Variants in TEAD1 observed in about 807,000 individuals in gnomAD.
The protein encoded by TEAD1 is TEA domain transcription factor 1, also known as transcriptional enhancer factor TEF-1.
Under a neutral mutation model 54.9 loss-of-function variants are expected in TEAD1, and 9 were observed. The ratio of observed to expected loss-of-function variants is 0.16; its 90% CI spans 0.10 to 0.29. TEAD1 has a LOEUF of 0.29. TEAD1 is among the 10% of genes least tolerant of loss of function. The pLI, the probability that TEAD1 is intolerant of heterozygous loss-of-function variation, is 1.00. For missense variants in TEAD1, 387 were observed against 535.9 expected (o/e 0.72, Z 2.74); for synonymous variants, 200 against 187.8 (o/e 1.07, Z -0.53).
chr11:12,915,403 C>T (rs1948692806), intron 10 of TEAD1, among the ~76,000 whole-genome samples: 1 of 152,196 alleles, frequency 6.6e-6, no homozygotes, highest in Admixed American at 6.5e-5. Flanking sequence ...TGTCCCCTGG[C>T]CTAGCACCCG....
At chr11:12,706,217 G>A (rs1328894273) in intron 2 of TEAD1, among the ~76,000 whole-genome samples, 1 of 152,210 alleles carries the variant, frequency 6.6e-6, no homozygotes, top group Non-Finnish European at 1.5e-5. Context: ...CATTTTAACA[G>A]TGTTTTTGAA....
At chr11:12,787,722 TAA>T (rs1945707944) in intron 3 of TEAD1, among the ~76,000 whole-genome samples, 1 of 152,222 alleles carries the variant, frequency 6.6e-6, no homozygotes, top group Non-Finnish European at 1.5e-5. Flanking sequence ...ATTTATAGTT[TAA>T]GATTATAAAA....
intron 3 of TEAD1, among the ~76,000 whole-genome samples, chr11:12,796,570 C>G (rs898525664): frequency 7.9e-5 from 12 of 151,432 alleles, no homozygotes; most frequent in Non-Finnish European, 1.3e-4. Flanking sequence ...ACAAAAAATA[C>G]AAAAATTAGC....
chr11:12,905,067 T>C (rs1948495117), intron 10 of TEAD1: 1 of 153,686 alleles, frequency 6.5e-6, no homozygotes. Context: ...TTCGGAATTA[T>C]AGAATGTTAT....
In TEAD1 at chr11:12,929,163, CGTGTGT is replaced by C. The variant is rs60060462; in HGVS notation, c.1015-978_1015-973del. On this transcript the variant is annotated intron_variant, in intron 11 of 12. Coordinates refer to ENST00000527636, the MANE Select transcript of TEAD1 (RefSeq NM_021961.6). ...ATCTGCTGTGTTTTCTTTGCTTTGC[CGTGTGT>C]GTGTGTGTGTGTGTGTGTGTGTGTG... 7.8e-4 allele frequency among the ~76,000 whole-genome samples: 83 copies of C among 106,814 alleles called. No homozygotes were observed. The Middle Eastern group carries it at 0.023, about 30-fold the overall frequency. 70.1% of individuals were successfully genotyped at this position (106,814 alleles called of 152,430 possible).
chr11:12,831,235 T>C (rs1946773691), intron 3 of TEAD1, among the ~76,000 whole-genome samples: 1 of 152,188 alleles, frequency 6.6e-6, no homozygotes, highest in Admixed American at 6.5e-5. Context: ...CTTACCCTTC[T>C]TCAGAGCCCA....
intron 10 of TEAD1, among the ~76,000 whole-genome samples, chr11:12,907,088 A>G (rs1341123735): frequency 6.6e-6 from 1 of 152,060 alleles, no homozygotes. Context: ...CTTCTTTTTT[A>G]TGTGGTTGTA....
intron 3 of TEAD1, among the ~76,000 whole-genome samples, chr11:12,823,978 C>T (rs913496910): frequency 2.6e-5 from 4 of 152,042 alleles, no homozygotes; most frequent in African/African-American, 9.7e-5. Context: ...TTGGGGGAGA[C>T]TAAGTGATTG....
At chr11:12,805,401 A>G (rs1180661476) in intron 3 of TEAD1, among the ~76,000 whole-genome samples, 2 of 152,240 alleles carry the variant, frequency 1.3e-5, no homozygotes, top group African/African-American at 4.8e-5. Flanking sequence ...GAATCACAGC[A>G]CAGGTTCAAT....
At chr11:12,710,337 A>C (rs941717653) in intron 2 of TEAD1, among the ~76,000 whole-genome samples, 25 of 152,234 alleles carry the variant, frequency 1.6e-4, no homozygotes, top group African/African-American at 4.8e-4. Flanking sequence ...ATTAAAAAAA[A>C]CCCACGAATT....
intron 2 of TEAD1, among the ~76,000 whole-genome samples, chr11:12,732,337 A>G (rs1046674060): frequency 2.6e-5 from 4 of 152,194 alleles, no homozygotes; most frequent in Admixed American, 6.5e-5. Context: ...ACCATATCCT[A>G]TTAATTCTCC....
intron 2 of TEAD1, among the ~76,000 whole-genome samples, chr11:12,710,384 T>C (rs552805251): frequency 7.2e-5 from 11 of 152,174 alleles, no homozygotes; most frequent in African/African-American, 2.4e-4. Flanking sequence ...GTGACAGATA[T>C]CATTGGGCAT....
At chr11:12,817,181 T>C (rs886917930) in intron 3 of TEAD1, among the ~76,000 whole-genome samples, 1 of 152,214 alleles carries the variant, frequency 6.6e-6, no homozygotes. Context: ...ATCTCACGCC[T>C]TTAAAGCCAG....
chr11:12,751,483 G>T (rs539904148), intron 2 of TEAD1, among the ~76,000 whole-genome samples: 11 of 152,268 alleles, frequency 7.2e-5, no homozygotes, highest in Admixed American at 6.5e-4. Flanking sequence ...AGGCTTCCCA[G>T]TGGAGGGGCT....
rs540390473 is a variant in TEAD1 at position 12,925,517 on chromosome 11, C to G, written c.1014+465C>G. ...GATTTGGGTGGGGATACAACCAAAC[C>G]ATATCACCCTCCTTCTTTCTCCCAC... is the stretch of plus-strand genomic sequence containing the variant. On this transcript the variant is annotated intron_variant, in intron 11 of 12. Transcript: ENST00000527636. 1.1e-3 allele frequency among the ~76,000 whole-genome samples: 165 copies of G among 152,322 alleles called. 1 individual carries two copies. The highest frequency in any genetic ancestry group is 3.9e-3 in the African/African-American group (162 of 41,578).
intron 2 of TEAD1, among the ~76,000 whole-genome samples, chr11:12,723,222 T>C (rs1564918744): frequency 6.6e-6 from 1 of 152,232 alleles, no homozygotes; most frequent in East Asian, 1.9e-4. Flanking sequence ...CTAGATAGTA[T>C]AATTTTTACA....
At position 12,818,890 on chromosome 11, in the gene TEAD1, C is replaced by G. The variant is rs367806520; in HGVS notation, c.203-43360C>G. Among the ~76,000 whole-genome samples the G allele has an allele frequency of 5.9e-4, 90 of 152,306 alleles. 1 individual carries two copies. Among genetic ancestry groups the G allele is most frequent in the African/African-American group, 2.1e-3 (86 of 41,558 alleles). Reference sequence around the variant, plus strand: ...GACCAATATGAAGCAACTGAATCCTCTTAGGTTTTGCAAGAGAGCTACAAA... The same window carrying G: ...GACCAATATGAAGCAACTGAATCCTGTTAGGTTTTGCAAGAGAGCTACAAA... On this transcript the variant is annotated intron_variant, in intron 3 of 12. Transcript: ENST00000527636.
At chr11:12,894,984 T>C (rs1448653828) in intron 9 of TEAD1, among the ~76,000 whole-genome samples, 1 of 152,220 alleles carries the variant, frequency 6.6e-6, no homozygotes, top group Non-Finnish European at 1.5e-5. Context: ...CTGTGGAAAC[T>C]GCAGCAGAGA....
chr11:12,803,668 G>A (rs1468910228), intron 3 of TEAD1, among the ~76,000 whole-genome samples: 3 of 152,204 alleles, frequency 2.0e-5, no homozygotes, highest in African/African-American at 7.2e-5. Flanking sequence ...TGGGAAGACA[G>A]GAGGCAGATG....
Sources: gnomAD v4.1 joint callset for allele counts (sites outside exome capture counted in the v4.1 genomes callset) on GRCh38, gnomAD v4.1.1 for gene constraint, MANE v1.5 for transcripts, NCBI Gene and HGNC (gene_info 2026-07-23, HGNC 2026-07-21) for gene names.